ZFYVE28: variants seen among roughly 807,000 people sequenced by gnomAD.
The protein encoded by ZFYVE28 is lateral signaling target protein 2 homolog.
A neutral mutation model predicts 82.1 loss-of-function variants in ZFYVE28; 40 were observed. The observed-to-expected ratio is 0.49, with a 90% CI of 0.38 to 0.63. The LOEUF is 0.63. Ranked by LOEUF, ZFYVE28 falls within the 30% of genes least tolerant of loss-of-function variation. The probability of loss-of-function intolerance (pLI) is 0.00; values close to 1 mark genes in which losing one functional copy is unlikely to be tolerated. For synonymous variants in ZFYVE28, 612 were observed against 546.1 expected, an observed-to-expected ratio of 1.12 and a Z score of -1.68; for missense variants, 1,321 against 1,242.1, an observed-to-expected ratio of 1.06 and a Z score of -0.96.
chr4:2,394,357 C>G lies in ZFYVE28; in HGVS notation c.39+23928G>C, dbSNP rs1730198117. On this transcript the variant is annotated intron_variant, in intron 1 of 12. Coordinates refer to ENST00000290974, the MANE Select transcript of ZFYVE28 (RefSeq NM_020972.3). This position sits in a 1 kb window ranked among gnomAD's most constrained non-coding sequence, Gnocchi z 4.0. ...CCTGCCGCAGGTGGCACAGCTGGGT[C>G]ACCCACCCCAGCAGCCACGTATGCG... Among the ~76,000 whole-genome samples the G allele has an allele frequency of 1.3e-5, 2 of 152,174 alleles. No individual in the cohort carries two copies. The highest frequency in any genetic ancestry group is 2.1e-4 in the South Asian group (1 of 4,826).
intron 1 of ZFYVE28, among the ~76,000 whole-genome samples, chr4:2,380,793 A>G (rs1286814916): frequency 1.3e-5 from 2 of 152,192 alleles, no homozygotes; most frequent in African/African-American, 4.8e-5. Flanking sequence ...ACTGCCATGT[A>G]AGAAGTGCCT....
intron 1 of ZFYVE28, among the ~76,000 whole-genome samples, chr4:2,399,030 T>G (rs1182664209): frequency 7.7e-4 from 34 of 44,060 alleles, no homozygotes; most frequent in Admixed American, 2.7e-3. Context: ...GGGCACAAGG[T>G]GGGGTGAGAT....
chr4:2,353,765 C>A (rs1724821678), intron 2 of ZFYVE28, among the ~76,000 whole-genome samples, 168 bp downstream of exon 2: 2 of 152,214 alleles, frequency 1.3e-5, no homozygotes. Context: ...CCACCCCACG[C>A]ATCCTGCCCG....
chr4:2,403,253 G>A (rs1410731546), intron 1 of ZFYVE28, among the ~76,000 whole-genome samples: 1 of 152,196 alleles, frequency 6.6e-6, no homozygotes, highest in African/African-American at 2.4e-5. Flanking sequence ...CTGTACCCCA[G>A]CGTCGGGTCT....
In ZFYVE28 at chr4:2,271,570, G is replaced by A. The variant is rs543304465; in HGVS notation, c.2428+105C>T. The stretch of plus-strand genomic sequence containing the variant: ...GCGGTCTCCCAGCTCCCACATGCCC[G>A]GACAGGGTGGCCTGCAGCCCCTCCC... On this transcript the variant is annotated intron_variant, in intron 11 of 12. Transcript: ENST00000290974. 904 of 1,441,246 alleles carry A rather than the reference G, an allele frequency of 6.3e-4. 5 individuals are homozygous for A. In the African/African-American group the frequency reaches 0.011, roughly 17 times the overall value. The allele number at this position is 1,441,246 out of a possible 1,614,324, so 89.3% of individuals were successfully genotyped here. A position where few individuals can be genotyped will look rare whatever the true frequency, so the allele number is the denominator to read the frequency against.
chr4:2,315,329 A>C lies in ZFYVE28; in HGVS notation c.803+4841T>G, dbSNP rs144614368. ...GAAACAGAGTCTCACTCTGTTGCCC[A>C]GGCTAGAAAGCGGTGGCGTGATCTC... On this transcript the variant is annotated intron_variant, in intron 7 of 12. Transcript: ENST00000290974. Among the ~76,000 whole-genome samples, 620 of 152,254 alleles carry C rather than the reference A, an allele frequency of 4.1e-3. 3 individuals are homozygous for C. The highest frequency in any genetic ancestry group is 0.014 in the African/African-American group (595 of 41,528).
At chr4:2,382,122 C>CAGG (rs1482667380) in intron 1 of ZFYVE28, among the ~76,000 whole-genome samples, 1 of 152,236 alleles carries the variant, frequency 6.6e-6, no homozygotes, top group Non-Finnish European at 1.5e-5. Flanking sequence ...TCAGAGGATG[C>CAGG]ATGGAAACAC....
chr4:2,382,886 G>A (rs568733057), intron 1 of ZFYVE28, among the ~76,000 whole-genome samples: 1 of 152,124 alleles, frequency 6.6e-6, no homozygotes, highest in East Asian at 2.0e-4. Context: ...TTCTTACACG[G>A]CAGCAGCAGG....
In ZFYVE28 at chr4:2,384,493, T is replaced by C. The variant is rs561594810; in HGVS notation, c.40-30420A>G. On this transcript the variant is annotated intron_variant, in intron 1 of 12. Transcript: ENST00000290974. ...GGCAGGCCACCAGGACCGTGACAAA[T>C]GCAGTTTGGGAGCAGGAGTGAGTTT... Among the ~76,000 whole-genome samples, 3 of 151,940 alleles carry C rather than the reference T, an allele frequency of 2.0e-5. No individual in the cohort carries two copies. In the South Asian group the frequency reaches 6.2e-4, roughly 32 times the overall value.
chr4:2,378,303 C>G (rs1728374885), intron 1 of ZFYVE28, among the ~76,000 whole-genome samples: 1 of 152,150 alleles, frequency 6.6e-6, no homozygotes, highest in Non-Finnish European at 1.5e-5. Context: ...ATCACACTAC[C>G]ACACTCCAAC....
At chr4:2,356,654 G>A (rs912002155) in intron 1 of ZFYVE28, among the ~76,000 whole-genome samples, 4 of 152,208 alleles carry the variant, frequency 2.6e-5, no homozygotes, top group South Asian at 2.1e-4. Context: ...CGACCCCTCC[G>A]TGATGAAATG....
chr4:2,307,183 T>C (rs1716708168), intron 7 of ZFYVE28: 1 of 152,266 alleles, frequency 6.6e-6, no homozygotes, highest in Non-Finnish European at 1.5e-5. Flanking sequence ...AGTTTACTTA[T>C]CAGCCCTTAG....
At chr4:2,280,004 T>C (rs572147117) in intron 8 of ZFYVE28, among the ~76,000 whole-genome samples, 71 of 152,278 alleles carry the variant, frequency 4.7e-4, no homozygotes, top group Admixed American at 2.4e-3. Context: ...GTACCACAAA[T>C]TACTGAGCTG....
intron 5 of ZFYVE28, among the ~76,000 whole-genome samples, chr4:2,336,742 G>A (rs967771814): frequency 2.0e-4 from 30 of 151,690 alleles, no homozygotes; most frequent in Non-Finnish European, 3.2e-4. Flanking sequence ...GAGGAGTAAG[G>A]AGGTGAGGAA....
At chr4:2,414,157 G>A (rs938603477) in intron 1 of ZFYVE28, among the ~76,000 whole-genome samples, 1 of 152,236 alleles carries the variant, frequency 6.6e-6, no homozygotes, top group Non-Finnish European at 1.5e-5. Context: ...TCTCTTCAAG[G>A]GCCCATGACC....
chr4:2,330,866 G>T (rs1339264617), intron 6 of ZFYVE28: 2 of 1,535,296 alleles, frequency 1.3e-6, no homozygotes, highest in African/African-American at 2.7e-5. Flanking sequence ...GAGGACTGGT[G>T]TGGGCACGGT....
chr4:2,338,967 GC>G (rs1289209774), intron 4 of ZFYVE28, among the ~76,000 whole-genome samples: 1 of 147,370 alleles, frequency 6.8e-6, no homozygotes, highest in Non-Finnish European at 1.5e-5. Flanking sequence ...GCGCCACCAG[GC>G]CCGGCTAATT....
In ZFYVE28 at chr4:2,304,363, C is replaced by T; in HGVS notation, c.1977G>A (p.Gln659=). 6.2e-7 allele frequency: 1 copy of T among 1,610,494 alleles called. No homozygotes were observed. Among genetic ancestry groups the T allele is most frequent in the Non-Finnish European group, 8.5e-7 (1 of 1,179,948 alleles). The change falls in exon 8 of 13, where the codon CAG becomes CAA. Residue 659 remains glutamine (Q), a synonymous_variant. Coordinates refer to ENST00000290974, the MANE Select transcript of ZFYVE28 (RefSeq NM_020972.3). ...CATGCAGCTCTCTGGCCTCTGGCTC[C>T]TGCTGACCTGCAACCCCAGCCTCTC... is the stretch of plus-strand genomic sequence containing the variant. The part of the protein sequence containing the change: ...LQGEAGVAGQ[Q]EPEARELHAG...
chr4:2,372,329 C>G lies in ZFYVE28; in HGVS notation c.40-18256G>C, dbSNP rs754096828. Among the ~76,000 whole-genome samples the G allele has an allele frequency of 7.2e-5, 11 of 152,110 alleles. No homozygotes were observed. Among genetic ancestry groups the G allele is most frequent in the Non-Finnish European group, 1.6e-4 (11 of 67,990 alleles). On this transcript the variant is annotated intron_variant, in intron 1 of 12. Coordinates refer to ENST00000290974, the MANE Select transcript of ZFYVE28 (RefSeq NM_020972.3). The surrounding 1 kb of genome is among the most constrained non-coding windows in gnomAD (Gnocchi z 5.2). ...ACAGGAACACAGAGGCGTGTCTTCA[C>G]AGCCCTACGCTGCCTCCCCAGCCCT...
Sources: allele counts gnomAD v4.1 joint callset (sites outside exome capture counted in the v4.1 genomes callset), GRCh38; gene constraint gnomAD v4.1.1; non-coding constraint Gnocchi (gnomAD v3.1); transcripts MANE v1.5; gene names NCBI Gene and HGNC (gene_info 2026-07-23, HGNC 2026-07-21).